Variants in DDX3X observed in about 807,000 individuals in gnomAD.
DDX3X encodes ATP-dependent RNA helicase DDX3X.
DDX3X carries 4 observed loss-of-function variants against 52.7 expected under a neutral mutation model. The observed-to-expected ratio is 0.08, with a 90% CI of 0.04 to 0.17. DDX3X has a LOEUF of 0.17. DDX3X is among the 10% of genes least tolerant of loss of function. The pLI, the probability that DDX3X is intolerant of heterozygous loss-of-function variation, is 1.00. For synonymous variants in DDX3X, 192 were observed against 178.1 expected (o/e 1.08, Z -0.62); for missense variants, 222 against 548.6 (o/e 0.40, Z 5.95).
chrX:41,337,442 A>G lies in DDX3X; in HGVS notation c.80A>G (p.Gln27Arg). 1 of 1,208,922 alleles carries G rather than the reference A, an allele frequency of 8.3e-7. No individual in the cohort carries two copies. The change falls in exon 2 of 17, where the codon CAG (glutamine) becomes CGG (arginine). Residue 27 changes from glutamine to arginine, a missense_variant. Around this residue, in one of 5 missense-constraint regions of DDX3X, gnomAD observed 93 missense variants for 123.7 expected, o/e 0.75. Transcript: ENST00000644876. ...AGLDLNSSDN[Q>R]SGGSTASKGR... is the part of the protein sequence containing the mutation. ...CTAGACCTGAACTCTTCAGATAATC[A>G]GAGTGGAGGAAGTACAGCCAGCAGT...
At chrX:41,362,083 CTTT>C (rs1176759189) in intron 5 of DDX3X, among the ~76,000 whole-genome samples, 1 of 72,731 alleles carries the variant, frequency 1.4e-5, no homozygotes. Flanking sequence ...AAATAATTAA[CTTT>C]TTTTTTTTTT....
rs2063969074 is a variant in DDX3X at position 41,349,915 on chromosome X, T to TTTC, written c.*2196_*2197insTTC. ...TTAGTTGTGTGTTTTTTTTTTTTTT[T>TTTC]CAGTGAATGTCTGGCACATTGCAAT... On this transcript the variant is annotated 3_prime_UTR_variant, in exon 17 of 17. Transcript: ENST00000644876. The TTTC allele has an allele frequency of 9.1e-6, 1 of 109,882 alleles. No homozygotes were observed. The highest frequency in any genetic ancestry group is 1.9e-5 in the Non-Finnish European group (1 of 52,538). 9.1% of individuals were successfully genotyped at this position (109,882 alleles called of 1,213,427 possible).
downstream of DDX3X, among the ~76,000 whole-genome samples, chrX:41,354,557 C>T (rs757453556): frequency 2.3e-4 from 25 of 107,221 alleles, no homozygotes; most frequent in South Asian, 4.2e-4. Flanking sequence ...CTGAACTCCT[C>T]AAGTGATCCT....
intron 5 of DDX3X, among the ~76,000 whole-genome samples, chrX:41,360,888 C>A (rs1280058645): frequency 9.3e-6 from 1 of 107,901 alleles, no homozygotes; most frequent in African/African-American, 3.4e-5. Context: ...TTGGGGGGGG[C>A]ACAGTTGGGG....
chrX:41,357,706 G>A, intron 5 of DDX3X: 1 of 275,495 alleles, frequency 3.6e-6, no homozygotes, highest in East Asian at 5.2e-5. Flanking sequence ...AAAGTGCTGG[G>A]ATTACAGGCG....
At chrX:41,358,966 C>T (rs917325030) in intron 5 of DDX3X, among the ~76,000 whole-genome samples, 1 of 111,319 alleles carries the variant, frequency 9.0e-6, no homozygotes, top group African/African-American at 3.3e-5. Flanking sequence ...ACCATGTTGG[C>T]CAGGATGGTC....
chrX:41,344,705 T>A, intron 10 of DDX3X: 1 of 329,832 alleles, frequency 3.0e-6, no homozygotes, highest in East Asian at 6.3e-5. Flanking sequence ...CCCAAAGTGC[T>A]GGGATTACAG....
At chrX:41,335,790 GTTGAA>G (rs1227476757) in intron 1 of DDX3X, 1 of 112,363 alleles carries the variant, frequency 8.9e-6, no homozygotes, top group Admixed American at 9.4e-5. Flanking sequence ...GCTGACACAT[GTTGAA>G]TTGAACAGAC....
chrX:41,334,582 C>A, intron 1 of DDX3X: 1 of 1,082,887 alleles, frequency 9.2e-7, no homozygotes, highest in Non-Finnish European at 1.2e-6. Flanking sequence ...CGCGCTCTCG[C>A]GGGGACGCGC....
intron 12 of DDX3X, 56 bp downstream of exon 12, chrX:41,345,604 G>C (rs2063912983): frequency 4.9e-6 from 5 of 1,017,238 alleles, no homozygotes; most frequent in Non-Finnish European, 6.8e-6. Context: ...TTGTTGCCCA[G>C]GCTGGAGTGC....
intron 5 of DDX3X, among the ~76,000 whole-genome samples, chrX:41,355,820 G>A (rs1255971251): frequency 9.1e-6 from 1 of 109,865 alleles, no homozygotes; most frequent in African/African-American, 3.3e-5. Flanking sequence ...TCTAATTGGT[G>A]TAAAGTAGTA....
Position 41,339,060 on chromosome X carries a change from T to C in DDX3X, c.128T>C (p.Leu43Ser). Residue 43 changes from leucine (L) to serine (S), a missense_variant, in exon 3 of 17, where the codon TTA (leucine) becomes TCA (serine). Transcript: ENST00000644876. ...GAAGGGCGCTATATTCCTCCTCATT[T>C]AAGGAACCGAGAAGCTACTAAAGGT... ...ASKGRYIPPH[L>S]RNREATKGFY... The C allele has an allele frequency of 9.2e-7, 1 of 1,091,401 alleles. No individual in the cohort carries two copies. The highest frequency in any genetic ancestry group is 1.2e-6 in the Non-Finnish European group (1 of 825,672). The allele number at this position is 1,091,401 out of a possible 1,213,427, so 89.9% of individuals were successfully genotyped here.
At chrX:41,353,805 TACACAC>T (rs751213463), downstream of DDX3X, among the ~76,000 whole-genome samples, 11 of 101,606 alleles carry the variant, frequency 1.1e-4, no homozygotes, top group Admixed American at 3.3e-4. Context: ...TACACACGCA[TACACAC>T]ACACACACAC....
intron 5 of DDX3X, among the ~76,000 whole-genome samples, chrX:41,356,460 T>TC (rs1353609368): frequency 2.3e-5 from 2 of 88,785 alleles, no homozygotes; most frequent in African/African-American, 4.3e-5. Context: ...ATTTCTTTTT[T>TC]TTTTTTTTTT....
At chrX:41,360,015 A>G (rs185063579) in intron 5 of DDX3X, among the ~76,000 whole-genome samples, 1 of 107,262 alleles carries the variant, frequency 9.3e-6, no homozygotes, top group East Asian at 2.9e-4. Context: ...AAATACATAA[A>G]TAAATAAAAC....
At chrX:41,335,170 C>G in intron 1 of DDX3X, 1 of 110,977 alleles carries the variant, frequency 9.0e-6, no homozygotes, top group South Asian at 3.5e-4. Flanking sequence ...CCAGCGAGGC[C>G]CTTTCTCCTC....
At chrX:41,362,551 T>A (rs1167675032) in intron 5 of DDX3X, among the ~76,000 whole-genome samples, 1 of 111,853 alleles carries the variant, frequency 8.9e-6, no homozygotes, top group Non-Finnish European at 1.9e-5. Flanking sequence ...TGCGCCAAGT[T>A]CATCCTTTCT....
In DDX3X at chrX:41,349,900, GTT is replaced by G. The variant is rs745349949; in HGVS notation, c.*2195_*2196del. On this transcript the variant is annotated 3_prime_UTR_variant, in exon 17 of 17. Coordinates refer to ENST00000644876, the MANE Select transcript of DDX3X (RefSeq NM_001356.5). The stretch of plus-strand genomic sequence containing the variant: ...TTGTGTGGATTTTGTTTAGTTGTGT[GTT>G]TTTTTTTTTTTTTCAGTGAATGTCT... The G allele has an allele frequency of 2.3e-5, 2 of 86,907 alleles. No individual in the cohort carries two copies. The highest frequency in any genetic ancestry group is 2.3e-5 in the Non-Finnish European group (1 of 42,690). 7.2% of individuals were successfully genotyped at this position (86,907 alleles called of 1,213,427 possible).
rs1252943624 is a variant in DDX3X, at chrX:41,348,694, C to T, written c.*975C>T. On this transcript the variant is annotated 3_prime_UTR_variant, in exon 17 of 17. Coordinates refer to ENST00000644876, the MANE Select transcript of DDX3X (RefSeq NM_001356.5). ...CCCTGGATGATTTTTGGTCTAATAA[C>T]GCATGCTAGTGTTGATGTTTTTTGG... The T allele has an allele frequency of 2.2e-4, 25 of 112,313 alleles. No individual in the cohort carries two copies. The highest frequency in any genetic ancestry group is 3.8e-5 in the Non-Finnish European group (2 of 53,193). 9.3% of individuals were successfully genotyped at this position (112,313 alleles called of 1,213,427 possible).
Sources: allele counts gnomAD v4.1 joint callset (sites outside exome capture counted in the v4.1 genomes callset), GRCh38; gene constraint gnomAD v4.1.1; regional missense constraint gnomAD v4.1.1; transcripts MANE v1.5; gene names NCBI Gene and HGNC (gene_info 2026-07-23, HGNC 2026-07-21).